PRKG1: variants seen among roughly 807,000 people sequenced by gnomAD.
The protein encoded by PRKG1 is cGMP-dependent protein kinase 1.
A neutral mutation model predicts 88.1 loss-of-function variants in PRKG1; 35 were observed. That is an observed-to-expected ratio of 0.40 (90% CI 0.30 to 0.53). The LOEUF (loss-of-function observed/expected upper bound fraction) is 0.53. PRKG1 is among the 20% of genes least tolerant of loss of function. The probability of loss-of-function intolerance (pLI) is 0.59; values close to 1 mark genes in which losing one functional copy is unlikely to be tolerated. For missense variants in PRKG1, 540 were observed against 839.8 expected, an observed-to-expected ratio of 0.64 and a Z score of 4.41; for synonymous variants, 303 against 292.5, an observed-to-expected ratio of 1.04 and a Z score of -0.37.
chr10:51,821,772 T>C (rs931238811), intron 4 of PRKG1, among the ~76,000 whole-genome samples: 2 of 152,096 alleles, frequency 1.3e-5, no homozygotes, highest in Non-Finnish European at 2.9e-5. Context: ...AAAGATAAGA[T>C]ATTAAATAGA....
At chr10:51,264,001 G>A (rs1015785603) in intron 2 of PRKG1, among the ~76,000 whole-genome samples, 2 of 152,170 alleles carry the variant, frequency 1.3e-5, no homozygotes, top group African/African-American at 4.8e-5. Context: ...AATTTTCTTT[G>A]AAAACTAGGT....
intron 2 of PRKG1, among the ~76,000 whole-genome samples, chr10:51,321,423 C>G (rs768806371): frequency 6.6e-6 from 1 of 152,118 alleles, no homozygotes; most frequent in Non-Finnish European, 1.5e-5. Context: ...GAAATGACTT[C>G]CCATTTTAGA....
intron 3 of PRKG1, among the ~76,000 whole-genome samples, chr10:51,724,616 C>T (rs1194152288): frequency 6.6e-6 from 1 of 152,090 alleles, no homozygotes; most frequent in East Asian, 1.9e-4. Context: ...CTTGAAATTC[C>T]TGGACTTAAG....
rs760798881 is a variant in PRKG1 at position 51,804,614 on chromosome 10, G to A, written c.622G>A (p.Asp208Asn). ...TGTAAATGTAAAACTCTGGGCCATTGATCGACAATGTTTTCAAACAATAAT... is the reference window on the plus strand; with the variant it reads ...TGTAAATGTAAAACTCTGGGCCATTAATCGACAATGTTTTCAAACAATAAT... ...TLVNVKLWAI[D>N]RQCFQTIMMR... Residue 208 changes from aspartate to asparagine, a missense_variant, in exon 4 of 18, where the codon GAT (aspartate) becomes AAT (asparagine). By Grantham distance (23) the Asp-to-Asn change is conservative. Transcript: ENST00000373980. 4 of 1,602,006 alleles carry A rather than the reference G, an allele frequency of 2.5e-6. No homozygotes were observed. The Admixed American group carries it at 6.7e-5, about 27-fold the overall frequency.
chr10:51,506,628 T>C (rs1156489481), intron 3 of PRKG1, among the ~76,000 whole-genome samples: 1 of 152,022 alleles, frequency 6.6e-6, no homozygotes, highest in Non-Finnish European at 1.5e-5. Flanking sequence ...GTTAGAATGG[T>C]GATCATTAAA....
intron 2 of PRKG1, among the ~76,000 whole-genome samples, chr10:51,221,788 C>A (rs1037167552): frequency 6.6e-6 from 1 of 151,502 alleles, no homozygotes; most frequent in Non-Finnish European, 1.5e-5. Context: ...AGTGCCTCAA[C>A]AAAGGCTAAG....
intron 7 of PRKG1, among the ~76,000 whole-genome samples, chr10:52,063,298 G>T (rs1436895631): frequency 6.6e-6 from 1 of 152,218 alleles, no homozygotes; most frequent in Non-Finnish European, 1.5e-5. Flanking sequence ...GCTGGCATGG[G>T]ATCTTTGTAA....
At chr10:51,730,926 C>A (rs532374843) in intron 3 of PRKG1, among the ~76,000 whole-genome samples, 4 of 152,088 alleles carry the variant, frequency 2.6e-5, no homozygotes, top group Admixed American at 1.3e-4. Flanking sequence ...GAGGCCGAGG[C>A]GGGTGGATCA....
chr10:52,068,898 T>C (rs11000681), intron 7 of PRKG1, among the ~76,000 whole-genome samples: 26,109 of 151,772 alleles, frequency 0.17, 2,885 homozygotes, highest in South Asian at 0.28. Flanking sequence ...GAGTTGGCCC[T>C]TTTCCACCTG....
At chr10:51,135,095 CTT>C (rs1382681542) in intron 1 of PRKG1, among the ~76,000 whole-genome samples, 3 of 152,188 alleles carry the variant, frequency 2.0e-5, no homozygotes, top group Middle Eastern at 3.4e-3. Flanking sequence ...AGTATGATGA[CTT>C]TTACAAAAGT....
rs548355283 is a variant in PRKG1 at position 51,725,960 on chromosome 10, C to T, written c.593-78625C>T. On this transcript the variant is annotated intron_variant, in intron 3 of 17. Transcript: ENST00000373980. ...GGCCAAAGAATTTCAAAAAGAGCAG[C>T]ACCACTAGAACATGAATGTAAACAT... 6.6e-5 allele frequency among the ~76,000 whole-genome samples: 10 copies of T among 152,246 alleles called. No homozygotes were observed. The South Asian group carries it at 2.1e-3, about 32-fold the overall frequency.
At chr10:51,519,743 G>C (rs1004905623) in intron 3 of PRKG1, among the ~76,000 whole-genome samples, 1 of 152,044 alleles carries the variant, frequency 6.6e-6, no homozygotes, top group Non-Finnish European at 1.5e-5. Flanking sequence ...TATAGGAACA[G>C]CAAAACCAGC....
intron 5 of PRKG1, among the ~76,000 whole-genome samples, chr10:51,985,910 G>A (rs1457941408): frequency 6.6e-6 from 1 of 152,054 alleles, no homozygotes; most frequent in Non-Finnish European, 1.5e-5. Context: ...TTTAATACAC[G>A]TAGCCTACTA....
At chr10:51,690,159 TA>T (rs1841100681) in intron 3 of PRKG1, among the ~76,000 whole-genome samples, 1 of 151,930 alleles carries the variant, frequency 6.6e-6, no homozygotes, top group Admixed American at 6.6e-5. Flanking sequence ...TGCACACTTT[TA>T]AATTACCAGA....
chr10:51,323,909 A>C (rs914164303), intron 2 of PRKG1, among the ~76,000 whole-genome samples: 1 of 152,196 alleles, frequency 6.6e-6, no homozygotes, highest in Non-Finnish European at 1.5e-5. Flanking sequence ...TTATAAGCAC[A>C]TCGCTGAACT....
intron 3 of PRKG1, among the ~76,000 whole-genome samples, chr10:51,798,305 C>T (rs140711119): frequency 1.3e-5 from 2 of 152,024 alleles, no homozygotes; most frequent in Non-Finnish European, 2.9e-5. Flanking sequence ...TCGTCACCAA[C>T]ACTTACTATT....
intron 5 of PRKG1, among the ~76,000 whole-genome samples, chr10:51,928,503 C>T (rs993515025): frequency 6.6e-6 from 1 of 152,142 alleles, no homozygotes; most frequent in African/African-American, 2.4e-5. Context: ...TTTGTAAGAA[C>T]AAAACAGCTA....
intron 2 of PRKG1, among the ~76,000 whole-genome samples, chr10:51,386,215 C>T (rs1837244931): frequency 1.3e-5 from 2 of 152,000 alleles, no homozygotes; most frequent in African/African-American, 2.4e-5. Context: ...ATATTGTCTA[C>T]AATATTTTTG....
At chr10:51,141,108 C>T (rs1183341960) in intron 1 of PRKG1, among the ~76,000 whole-genome samples, 7 of 152,174 alleles carry the variant, frequency 4.6e-5, no homozygotes, top group African/African-American at 1.7e-4. Flanking sequence ...ACACTCATCC[C>T]TCTATACCCT....
Sources: gnomAD v4.1 joint callset for allele counts (sites outside exome capture counted in the v4.1 genomes callset) on GRCh38, gnomAD v4.1.1 for gene constraint, MANE v1.5 for transcripts, NCBI Gene and HGNC (gene_info 2026-07-23, HGNC 2026-07-21) for gene names.